CNTN1: variants seen among roughly 807,000 people sequenced by gnomAD.
The protein encoded by CNTN1 is contactin-1.
Under a neutral mutation model 126.4 loss-of-function variants are expected in CNTN1, and 38 were observed. The observed-to-expected ratio is 0.30, with a 90% CI of 0.23 to 0.39. The LOEUF (loss-of-function observed/expected upper bound fraction) is 0.39. Ranked by LOEUF, CNTN1 falls within the 10% of genes least tolerant of loss-of-function variation. CNTN1 has a pLI of 1.00. For missense variants in CNTN1, 1,009 were observed against 1,248.4 expected, an observed-to-expected ratio of 0.81 and a Z score of 2.89; for synonymous variants, 413 against 422.6, an observed-to-expected ratio of 0.98 and a Z score of 0.28.
intron 20 of CNTN1, among the ~76,000 whole-genome samples, chr12:41,023,414 C>G (rs1452561257): frequency 6.6e-6 from 1 of 152,114 alleles, no homozygotes; most frequent in African/African-American, 2.4e-5. Flanking sequence ...AAAGAGCTCC[C>G]CACTTTCAAT....
At chr12:40,894,892 G>A (rs978485795) in intron 1 of CNTN1, among the ~76,000 whole-genome samples, 1 of 152,098 alleles carries the variant, frequency 6.6e-6, no homozygotes, top group Non-Finnish European at 1.5e-5. Flanking sequence ...TAGCCATTAG[G>A]GGTTTTTGAA....
At chr12:40,979,056 T>C (rs996161530) in intron 15 of CNTN1, 3 of 152,212 alleles carry the variant, frequency 2.0e-5, no homozygotes, top group African/African-American at 4.8e-5. Flanking sequence ...TGTATTTCAA[T>C]GTGTTTTCTT....
chr12:40,962,733 A>G (rs1947150077), intron 15 of CNTN1, among the ~76,000 whole-genome samples: 1 of 152,146 alleles, frequency 6.6e-6, no homozygotes, highest in Non-Finnish European at 1.5e-5. Context: ...CTGGGTCCAA[A>G]GATGCTTGAG....
At chr12:41,059,202 C>A (rs1238569111) in intron 23 of CNTN1, among the ~76,000 whole-genome samples, 1 of 152,140 alleles carries the variant, frequency 6.6e-6, no homozygotes, top group Non-Finnish European at 1.5e-5. Context: ...ATACCAAATA[C>A]CGATCTTAAT....
chr12:40,876,926 A>G (rs1284683222), intron 1 of CNTN1, among the ~76,000 whole-genome samples: 1 of 152,140 alleles, frequency 6.6e-6, no homozygotes, highest in Non-Finnish European at 1.5e-5. Context: ...GCTTCTGTGC[A>G]TTATTTTTCT....
At chr12:40,748,685 GTAATGT>G (rs981745637) in intron 1 of CNTN1, among the ~76,000 whole-genome samples, 2 of 151,964 alleles carry the variant, frequency 1.3e-5, no homozygotes, top group African/African-American at 4.8e-5. Flanking sequence ...ATCACAAAAA[GTAATGT>G]TAATGTGTTT....
chr12:40,834,587 G>A (rs547350417), intron 1 of CNTN1, among the ~76,000 whole-genome samples: 21 of 152,242 alleles, frequency 1.4e-4, no homozygotes, highest in South Asian at 4.1e-4. Context: ...ACAAGCAGAC[G>A]AATCTATTGA....
At chr12:40,876,100 T>C (rs1322879259) in intron 1 of CNTN1, among the ~76,000 whole-genome samples, 1 of 150,360 alleles carries the variant, frequency 6.7e-6, no homozygotes. Flanking sequence ...GATCACAAAA[T>C]AGCTACAGGT....
At chr12:40,893,446 C>A (rs1253499764) in intron 1 of CNTN1, among the ~76,000 whole-genome samples, 1 of 152,064 alleles carries the variant, frequency 6.6e-6, no homozygotes, top group African/African-American at 2.4e-5. Flanking sequence ...TAAGAAACTG[C>A]AGCTATTGTA....
At chr12:40,754,474 G>C (rs768873869) in intron 1 of CNTN1, among the ~76,000 whole-genome samples, 2 of 151,720 alleles carry the variant, frequency 1.3e-5, no homozygotes, top group Non-Finnish European at 2.9e-5. Flanking sequence ...TTTTTTATTT[G>C]TACTTTTTTT....
At chr12:40,771,377 C>T (rs1250296261) in intron 1 of CNTN1, among the ~76,000 whole-genome samples, 1 of 151,910 alleles carries the variant, frequency 6.6e-6, no homozygotes, top group African/African-American at 2.4e-5. Flanking sequence ...GGATAATTTG[C>T]CGAGAAGCTT....
intron 1 of CNTN1, among the ~76,000 whole-genome samples, chr12:40,762,084 C>T (rs774530654): frequency 3.2e-4 from 48 of 152,134 alleles, no homozygotes; most frequent in Non-Finnish European, 6.3e-4. Flanking sequence ...CACAATCAGC[C>T]TCAAATATAT....
intron 4 of CNTN1, among the ~76,000 whole-genome samples, chr12:40,920,089 C>T (rs984000083): frequency 2.6e-5 from 4 of 152,166 alleles, no homozygotes; most frequent in African/African-American, 9.7e-5. Flanking sequence ...ATGAGGTATG[C>T]AATTTTTTCA....
intron 15 of CNTN1, chr12:40,972,679 AG>A: frequency 1.0e-6 from 1 of 964,778 alleles, no homozygotes; most frequent in Non-Finnish European, 1.2e-6. Context: ...CTGTTCCAAA[AG>A]GAGCTATCTT....
chr12:41,010,881 G>T (rs1322924416), intron 17 of CNTN1, among the ~76,000 whole-genome samples: 3 of 151,440 alleles, frequency 2.0e-5, no homozygotes, highest in Non-Finnish European at 4.4e-5. Context: ...TTTTTTAGAG[G>T]AACTGCTTCC....
At chr12:40,917,748 T>G (rs977221461) in intron 3 of CNTN1, among the ~76,000 whole-genome samples, 3 of 152,112 alleles carry the variant, frequency 2.0e-5, no homozygotes, top group Non-Finnish European at 4.4e-5. Flanking sequence ...GCCGCAGTGG[T>G]GGCATGTGAA....
At chr12:40,996,321 C>T (rs1566110129) in intron 17 of CNTN1, among the ~76,000 whole-genome samples, 1 of 152,046 alleles carries the variant, frequency 6.6e-6, no homozygotes, top group Non-Finnish European at 1.5e-5. Context: ...TTGGTAGAGA[C>T]TGGGTTTCTC....
intron 23 of CNTN1, among the ~76,000 whole-genome samples, chr12:41,063,832 G>C (rs755712157): frequency 2.0e-5 from 3 of 152,152 alleles, no homozygotes; most frequent in African/African-American, 7.2e-5. Context: ...TTAAGAATAC[G>C]TGATGTGAGC....
intron 1 of CNTN1, among the ~76,000 whole-genome samples, chr12:40,863,926 TCCTCCCTC>T (rs1555170458): frequency 7.7e-6 from 1 of 129,152 alleles, no homozygotes; most frequent in Non-Finnish European, 1.6e-5. Flanking sequence ...CTTCCTTCCT[TCCTCCCTC>T]CCTCCCTCCC....
Sources: allele counts gnomAD v4.1 joint callset (sites outside exome capture counted in the v4.1 genomes callset), GRCh38; gene constraint gnomAD v4.1.1; transcripts MANE v1.5; gene names NCBI Gene and HGNC (gene_info 2026-07-23, HGNC 2026-07-21).